Variants in PIGB observed in about 807,000 individuals in gnomAD.
The protein encoded by PIGB is phosphatidylinositol glycan anchor biosynthesis class B.
In PIGB, 58 loss-of-function variants were observed where a neutral mutation model predicts 68.4. That is an observed-to-expected ratio of 0.85 (90% CI 0.69 to 1.06). The LOEUF is 1.06. Ranked by LOEUF, PIGB falls within the 50% of genes least tolerant of loss-of-function variation. PIGB has a pLI of 0.00. For missense variants in PIGB, 634 were observed against 655.8 expected (o/e 0.97, Z 0.36); for synonymous variants, 219 against 220.5 (o/e 0.99, Z 0.06).
chr15:55,351,024 T>C, intron 10 of PIGB, 112 bp downstream of exon 10: 1 of 621,550 alleles, frequency 1.6e-6, no homozygotes. Context: ...AATGATAAAT[T>C]TTAAACTCCC....
rs760697060 is a variant in PIGB, at chr15:55,350,820, G to A, written c.1245G>A (p.Met415Ile). 1.9e-6 allele frequency: 3 copies of A among 1,610,886 alleles called. No individual in the cohort carries two copies. Among genetic ancestry groups the A allele is most frequent in the South Asian group, 2.2e-5 (2 of 90,992 alleles). The change falls in exon 10 of 12, where the codon ATG (methionine) becomes ATA (isoleucine). Residue 415 changes from methionine (M) to isoleucine (I), a missense_variant. Transcript: ENST00000164305. ...LVHQRGTLDV[M>I]SHIQKVCYNN... ...ATCAACGAGGTACTCTTGATGTCAT[G>A]AGTCATATTCAAAAAGTTTGTTACA... is the stretch of plus-strand genomic sequence containing the variant.
chr15:55,320,750 G>A (rs1208936716), intron 2 of PIGB, among the ~76,000 whole-genome samples: 1 of 152,074 alleles, frequency 6.6e-6, no homozygotes, highest in Non-Finnish European at 1.5e-5. Flanking sequence ...TCAGACAGTG[G>A]TTGACTCTGG....
intron 3 of PIGB, chr15:55,324,677 T>A (rs1216271987): frequency 4.4e-6 from 1 of 229,874 alleles, no homozygotes; most frequent in Admixed American, 6.5e-5. Context: ...AACTTACATT[T>A]CTCAGAGCAC....
Position 55,319,338 on chromosome 15 carries a change from G to C in PIGB, c.88G>C (p.Gly30Arg). 1 of 1,581,674 alleles carries C rather than the reference G, an allele frequency of 6.3e-7. No individual in the cohort carries two copies. Among genetic ancestry groups the C allele is most frequent in the Non-Finnish European group, 8.6e-7 (1 of 1,163,602 alleles). The change falls in exon 1 of 12, where the codon GGC becomes CGC. Residue 30 changes from glycine (G) to arginine (R), a missense_variant. Gly to Arg is a moderately radical substitution (Grantham distance 125, BLOSUM62 -2). Transcript: ENST00000164305. Reference sequence around the variant, plus strand: ...GCATGGTCTCCAGAACCGCTCCCACGGCAAGATAAAGCTGCGAAAGAGAAA... The same window carrying C: ...GCATGGTCTCCAGAACCGCTCCCACCGCAAGATAAAGCTGCGAAAGAGAAA... ...TLHGLQNRSH[G>R]KIKLRKRKST...
intron 9 of PIGB, among the ~76,000 whole-genome samples, chr15:55,342,553 G>A (rs74328531): frequency 1.8e-4 from 28 of 152,122 alleles, no homozygotes; most frequent in South Asian, 1.0e-3. Context: ...CACCATACCC[G>A]GCTAATTTTT....
At chr15:55,334,051 A>C (rs558686904) in intron 6 of PIGB, 44 bp downstream of exon 6, 12 of 1,409,476 alleles carry the variant, frequency 8.5e-6, no homozygotes, top group African/African-American at 1.5e-5. Flanking sequence ...GTAGCCTACA[A>C]ATCACAGATT....
intron 2 of PIGB, 38 bp from the exon 3 acceptor site, chr15:55,321,235 T>G: frequency 6.6e-7 from 1 of 1,505,762 alleles, no homozygotes. Flanking sequence ...GGAAATAGGT[T>G]TCAATATTAT....
Position 55,355,342 on chromosome 15 carries a change from C to G in PIGB, c.1575C>G (p.His525Gln). 1 of 1,610,732 alleles carries G rather than the reference C, an allele frequency of 6.2e-7. No individual in the cohort carries two copies. The highest frequency in any genetic ancestry group is 8.5e-7 in the Non-Finnish European group (1 of 1,177,182). ...SNYKRTAVFF[H>Q]THLPEGRIGS... Reference sequence around the variant, plus strand: ...ATAAAAGAACTGCTGTTTTCTTCCACACTCACTTGCCAGAGGGTCGAATTG... The same window carrying G: ...ATAAAAGAACTGCTGTTTTCTTCCAGACTCACTTGCCAGAGGGTCGAATTG... Residue 525 changes from histidine to glutamine, a missense_variant, in exon 12 of 12, where the codon CAC (histidine) becomes CAG (glutamine). Physicochemically the swap from His to Gln is conservative, Grantham distance 24 (BLOSUM62 0). Coordinates refer to ENST00000164305, the MANE Select transcript of PIGB (RefSeq NM_004855.5).
At chr15:55,347,788 T>A (rs2055828016) in intron 9 of PIGB, among the ~76,000 whole-genome samples, 1 of 152,140 alleles carries the variant, frequency 6.6e-6, no homozygotes. Context: ...CTCAGAGAGT[T>A]AAAATCACCA....
chr15:55,325,916 G>A (rs1288360425), intron 3 of PIGB, among the ~76,000 whole-genome samples: 2 of 151,898 alleles, frequency 1.3e-5, no homozygotes, highest in Non-Finnish European at 2.9e-5. Flanking sequence ...ACTCCATCTC[G>A]CTGGGCACGG....
chr15:55,348,334 TGTAA>T (rs1323120632), intron 9 of PIGB: 4 of 152,268 alleles, frequency 2.6e-5, no homozygotes, highest in African/African-American at 9.6e-5. Flanking sequence ...ATGCTCACCT[TGTAA>T]GTATCTTCAA....
chr15:55,326,429 T>C (rs1051645914), intron 3 of PIGB, among the ~76,000 whole-genome samples: 6 of 152,184 alleles, frequency 3.9e-5, no homozygotes. Context: ...AGTTTCCTCA[T>C]CTATAAAACA....
intron 10 of PIGB, 168 bp from the exon 11 acceptor site, chr15:55,354,630 T>G (rs529652187): frequency 5.7e-5 from 34 of 596,524 alleles, no homozygotes; most frequent in Admixed American, 3.8e-4. Flanking sequence ...AGAATCATGT[T>G]TTTTTTATCT....
intron 6 of PIGB, among the ~76,000 whole-genome samples, chr15:55,334,494 C>T (rs1207273465): frequency 6.6e-6 from 1 of 152,050 alleles, no homozygotes; most frequent in East Asian, 1.9e-4. Context: ...TCTAACTACA[C>T]TATGAGCTCC....
At chr15:55,333,616 C>G in intron 5 of PIGB, among the ~76,000 whole-genome samples, 1 of 152,166 alleles carries the variant, frequency 6.6e-6, no homozygotes, top group East Asian at 1.9e-4. Context: ...CCTGTAATCC[C>G]AGCTACTCGG....
intron 3 of PIGB, among the ~76,000 whole-genome samples, chr15:55,324,481 C>G (rs2055235284): frequency 6.6e-6 from 1 of 152,194 alleles, no homozygotes; most frequent in African/African-American, 2.4e-5. Context: ...TTCAAGATTT[C>G]TACTTAACCA....
At position 55,333,862 on chromosome 15, in the gene PIGB, T is replaced by TA; in HGVS notation, c.654-4dup. On this transcript the variant is annotated splice_polypyrimidine_tract_variant and splice_region_variant and intron_variant, in intron 5 of 11. Coordinates refer to ENST00000164305, the MANE Select transcript of PIGB (RefSeq NM_004855.5). ...CTTGTCTTATCACACATTTTCCTCT[T>TA]ATAGTGTCAAATACTCATCCCTGGT... The TA allele has an allele frequency of 6.4e-7, 1 of 1,565,180 alleles. No individual in the cohort carries two copies. The highest frequency in any genetic ancestry group is 1.2e-5 in the South Asian group (1 of 83,552).
At chr15:55,351,657 G>A (rs917054084) in intron 10 of PIGB, 8 of 151,306 alleles carry the variant, frequency 5.3e-5, no homozygotes, top group African/African-American at 1.9e-4. Flanking sequence ...GGATCACAAG[G>A]TCAGAAGATC....
rs202120669 is a variant in PIGB at position 55,343,640 on chromosome 15, TCA to T, written c.1123+1841_1123+1842del. The T allele has an allele frequency of 1.3e-3, 194 of 152,292 alleles. 2 individuals carry two copies. Among genetic ancestry groups the T allele is most frequent in the African/African-American group, 4.5e-3 (186 of 41,556 alleles). 9.4% of individuals were successfully genotyped at this position (152,292 alleles called of 1,614,324 possible). On this transcript the variant is annotated intron_variant, in intron 9 of 11. Transcript: ENST00000164305. Reference sequence around the variant, plus strand: ...CAAGATCCCTGTAACCAGGGCCTATTCACAGTTTATTGAGATAAAATGCTGAT... The same window carrying T: ...CAAGATCCCTGTAACCAGGGCCTATTCAGTTTATTGAGATAAAATGCTGAT...
Sources: gnomAD v4.1 joint callset for allele counts (sites outside exome capture counted in the v4.1 genomes callset) on GRCh38, gnomAD v4.1.1 for gene constraint, MANE v1.5 for transcripts, NCBI Gene and HGNC (gene_info 2026-07-23, HGNC 2026-07-21) for gene names.